Variants in PDZD9 observed in about 807,000 individuals in gnomAD.
PDZD9 encodes the protein PDZ domain-containing protein 9.
In PDZD9, 13 loss-of-function variants were observed where a neutral mutation model predicts 16.3. The observed-to-expected ratio is 0.80, with a 90% CI of 0.52 to 1.27. The LOEUF (loss-of-function observed/expected upper bound fraction) is 1.27. Ranked by LOEUF, PDZD9 falls within the 50% of genes most tolerant of loss-of-function variation. The pLI is 0.00. For missense variants in PDZD9, 288 were observed against 310.9 expected (o/e 0.93, Z 0.55); for synonymous variants, 120 against 111.0 (o/e 1.08, Z -0.51).
At chr16:21,969,885 T>TA in the PDZD9 span, among the ~76,000 whole-genome samples, 1 of 151,722 alleles carries the variant, frequency 6.6e-6, no homozygotes, top group Non-Finnish European at 1.5e-5. Flanking sequence ...TTTTTTTTTT[T>TA]AAAGAGATGG....
downstream of PDZD9, chr16:21,980,547 G>A (rs769137921): frequency 5.0e-6 from 8 of 1,613,384 alleles, no homozygotes; most frequent in South Asian, 3.3e-5. Flanking sequence ...TATTGGACAG[G>A]AACAAGCTGA....
At position 21,988,660 on chromosome 16, in the gene PDZD9, G is replaced by A; in HGVS notation, c.343C>T (p.Pro115Ser). 1 of 1,613,278 alleles carries A rather than the reference G, an allele frequency of 6.2e-7. No individual in the cohort carries two copies. The highest frequency in any genetic ancestry group is 1.3e-5 in the African/African-American group (1 of 74,980). Residue 115 changes from proline to serine, a missense_variant, in exon 3 of 4, where the codon CCT becomes TCT. Pro to Ser is a moderately conservative substitution (Grantham distance 74, BLOSUM62 -1). Coordinates refer to ENST00000424898, the MANE Select transcript of PDZD9 (RefSeq NM_001363519.1). ...IKVYRDFINI[P>S]EEWQEIYDLI... ...TCATATATTTCTTGCCATTCTTCAG[G>A]AATGTTAATAAAATCTCGGTAAACC...
the PDZD9 span, among the ~76,000 whole-genome samples, chr16:21,958,899 G>GT: frequency 6.6e-6 from 1 of 152,156 alleles, no homozygotes; most frequent in Non-Finnish European, 1.5e-5. Context: ...GAATTTTGTG[G>GT]TTTCCCAGTG....
At chr16:21,990,067 C>T (rs1898985407) in intron 2 of PDZD9, among the ~76,000 whole-genome samples, 1 of 152,198 alleles carries the variant, frequency 6.6e-6, no homozygotes, top group Admixed American at 6.5e-5. Context: ...CCTGCTTCTC[C>T]AGCCTTTTGG....
the PDZD9 span, chr16:21,968,621 T>C: frequency 3.7e-6 from 6 of 1,601,044 alleles, no homozygotes; most frequent in Non-Finnish European, 4.3e-6. Context: ...GTTTTTAACT[T>C]CCTCAGTTAC....
the PDZD9 span, chr16:21,971,679 G>A: frequency 6.5e-7 from 1 of 1,537,358 alleles, no homozygotes; most frequent in Non-Finnish European, 9.0e-7. Flanking sequence ...CACTAGAATA[G>A]CATATTGAGG....
At chr16:21,976,376 C>A in the PDZD9 span, 1 of 707,358 alleles carries the variant, frequency 1.4e-6, no homozygotes, top group Non-Finnish European at 2.3e-6. Flanking sequence ...GGAAACATAC[C>A]CATATCCTAC....
chr16:21,976,040 T>G, the PDZD9 span: 28 of 615,902 alleles, frequency 4.5e-5, no homozygotes, highest in African/African-American at 5.0e-4. Flanking sequence ...GCATTCCGCA[T>G]GGACACTGTG....
the PDZD9 span, chr16:21,971,762 G>T: frequency 7.6e-7 from 1 of 1,321,510 alleles, no homozygotes; most frequent in Non-Finnish European, 1.1e-6. Flanking sequence ...TGTATTTTGA[G>T]CATATGTTTT....
the PDZD9 span, among the ~76,000 whole-genome samples, chr16:21,973,123 TAAA>T: frequency 6.6e-6 from 1 of 151,932 alleles, no homozygotes; most frequent in Non-Finnish European, 1.5e-5. Context: ...AATAAATAAA[TAAA>T]AGAAATTGAA....
intron 2 of PDZD9, among the ~76,000 whole-genome samples, chr16:21,990,135 T>G (rs1270267579): frequency 6.6e-6 from 1 of 152,162 alleles, no homozygotes; most frequent in Non-Finnish European, 1.5e-5. Flanking sequence ...TGTTTTCTGT[T>G]TTTTGCAATG....
the PDZD9 span, chr16:21,962,319 T>C: frequency 1.1e-6 from 1 of 942,604 alleles, no homozygotes; most frequent in Non-Finnish European, 1.6e-6. Context: ...TTGGTTAATA[T>C]GTGGAGTTTT....
chr16:21,969,268 T>C, the PDZD9 span, among the ~76,000 whole-genome samples: 1 of 152,190 alleles, frequency 6.6e-6, no homozygotes, highest in African/African-American at 2.4e-5. Flanking sequence ...GCATGGTGGC[T>C]CATGCCTGTA....
chr16:21,994,511 T>C (rs1006690301), intron 2 of PDZD9, among the ~76,000 whole-genome samples: 33 of 152,198 alleles, frequency 2.2e-4, no homozygotes, highest in Non-Finnish European at 2.2e-4. Flanking sequence ...CAGGGCAGTA[T>C]TGGTAAAGCC....
At chr16:21,976,183 A>G in the PDZD9 span, 2 of 1,614,042 alleles carry the variant, frequency 1.2e-6, no homozygotes, top group African/African-American at 1.3e-5. Context: ...AAGGCTGCCT[A>G]TAATCAAGTA....
chr16:21,968,611 G>A, the PDZD9 span: 7 of 1,594,026 alleles, frequency 4.4e-6, no homozygotes, highest in African/African-American at 8.1e-5. Flanking sequence ...CCTAATAAGT[G>A]TTTTTAACTT....
downstream of PDZD9, among the ~76,000 whole-genome samples, chr16:21,981,553 A>G (rs866708345): frequency 8.5e-5 from 13 of 152,186 alleles, no homozygotes; most frequent in African/African-American, 2.9e-4. Context: ...CAGGAGTTCA[A>G]TACCAGACTG....
At chr16:21,976,416 GC>G in the PDZD9 span, 1 of 568,190 alleles carries the variant, frequency 1.8e-6, no homozygotes. Flanking sequence ...TAACATTTTG[GC>G]CAGGCACAGT....
chr16:21,996,644 A>G (rs754220907), intron 1 of PDZD9, 143 bp from the exon 2 acceptor site: 131 of 870,292 alleles, frequency 1.5e-4, no homozygotes, highest in Non-Finnish European at 2.1e-4. Flanking sequence ...GAGGATAAAA[A>G]TGTTCACCTT....
Sources: gnomAD v4.1 joint callset for allele counts (sites outside exome capture counted in the v4.1 genomes callset) on GRCh38, gnomAD v4.1.1 for gene constraint, MANE v1.5 for transcripts, NCBI Gene and HGNC (gene_info 2026-07-23, HGNC 2026-07-21) for gene names.